The following NTRK2 variants were observed in gnomAD, a reference collection of about 807,000 sequenced individuals.
The protein encoded by NTRK2 is neurotrophic receptor tyrosine kinase 2.
Under a neutral mutation model 94.5 loss-of-function variants are expected in NTRK2, and 13 were observed. The ratio of observed to expected loss-of-function variants is 0.14; its 90% confidence interval spans 0.09 to 0.22. The LOEUF (loss-of-function observed/expected upper bound fraction) is 0.22. Among genes scored for constraint, NTRK2 ranks in the 10% least tolerant of loss-of-function variants. The probability of loss-of-function intolerance (pLI) is 1.00; values close to 1 mark genes in which losing one functional copy is unlikely to be tolerated. For synonymous variants in NTRK2, 372 were observed against 407.4 expected (o/e 0.91, Z 1.05); for missense variants, 639 against 1,071.2 (o/e 0.60, Z 5.63).
chr9:84,924,708 TG>T (rs2077697687), intron 14 of NTRK2, among the ~76,000 whole-genome samples: 1 of 152,218 alleles, frequency 6.6e-6, no homozygotes, highest in African/African-American at 2.4e-5. Flanking sequence ...CTAGAAGTTT[TG>T]GGAATTTAAC....
chr9:84,863,088 G>A (rs1278299346), intron 13 of NTRK2, among the ~76,000 whole-genome samples: 2 of 152,066 alleles, frequency 1.3e-5, no homozygotes, highest in Non-Finnish European at 2.9e-5. Context: ...GGATTAGCAC[G>A]GCCCCAGATG....
At chr9:84,828,952 G>GT (rs573359407) in intron 12 of NTRK2, among the ~76,000 whole-genome samples, 131 of 144,278 alleles carry the variant, frequency 9.1e-4, no homozygotes, top group South Asian at 3.4e-3. Context: ...TGTTTGTTTT[G>GT]TTTTTTTTTT....
intron 12 of NTRK2, among the ~76,000 whole-genome samples, chr9:84,830,865 C>T (rs138081580): frequency 1.5e-3 from 225 of 152,174 alleles, no homozygotes; most frequent in African/African-American, 4.8e-3. Context: ...TTCCTATAAT[C>T]CTGCCACCCA....
At position 84,820,065 on chromosome 9, in the gene NTRK2, G is replaced by T. The variant is rs140666420; in HGVS notation, c.1397-40975G>T. On this transcript the variant is annotated intron_variant, in intron 12 of 18. Coordinates refer to ENST00000277120, the MANE Select transcript of NTRK2 (RefSeq NM_006180.6). ...TTATAGTTGACCCTTTAACAATGTGGGGGTTAAGGGCACCAATCCCCTGCA... is the reference window on the plus strand; with the variant it reads ...TTATAGTTGACCCTTTAACAATGTGTGGGTTAAGGGCACCAATCCCCTGCA... Among the ~76,000 whole-genome samples, 1,300 of 152,128 alleles carry T rather than the reference G, an allele frequency of 8.5e-3. 15 individuals carry two copies. The highest frequency in any genetic ancestry group is 0.03 in the African/African-American group (1,239 of 41,512).
chr9:84,744,181 C>G (rs1286940642), intron 10 of NTRK2, among the ~76,000 whole-genome samples: 1 of 152,082 alleles, frequency 6.6e-6, no homozygotes, highest in East Asian at 1.9e-4. Flanking sequence ...CTAATAAAAA[C>G]TTTGACAACC....
intron 17 of NTRK2, among the ~76,000 whole-genome samples, chr9:84,980,800 C>A (rs972437142): frequency 6.6e-6 from 1 of 152,178 alleles, no homozygotes; most frequent in East Asian, 1.9e-4. Context: ...CAAAATGGAG[C>A]GCGTAAGCTC....
At chr9:84,753,623 A>G (rs150004150) in intron 12 of NTRK2, among the ~76,000 whole-genome samples, 134 of 152,284 alleles carry the variant, frequency 8.8e-4, no homozygotes, top group Non-Finnish European at 1.4e-3. Flanking sequence ...TGGGATCCCC[A>G]TATCTCAACT....
chr9:84,900,742 C>G (rs1202042889), intron 14 of NTRK2, among the ~76,000 whole-genome samples: 1 of 152,198 alleles, frequency 6.6e-6, no homozygotes, highest in East Asian at 1.9e-4. Flanking sequence ...GTGAGCACTT[C>G]TCAGATAACA....
intron 12 of NTRK2, chr9:84,815,731 T>C (rs893144918): frequency 3.0e-6 from 3 of 1,006,408 alleles, no homozygotes; most frequent in Middle Eastern, 4.8e-4. Flanking sequence ...TCTCTGTAGA[T>C]CTTGTGTACT....
chr9:84,695,100 C>T (rs1412486901), intron 2 of NTRK2, among the ~76,000 whole-genome samples: 1 of 149,106 alleles, frequency 6.7e-6, no homozygotes. Context: ...TTCTATCTAT[C>T]TATGTATCTA....
At chr9:84,972,062 A>C (rs966251451) in intron 17 of NTRK2, among the ~76,000 whole-genome samples, 1 of 152,228 alleles carries the variant, frequency 6.6e-6, no homozygotes, top group Non-Finnish European at 1.5e-5. Context: ...TCTAACCGGC[A>C]TGAAAACATT....
chr9:84,728,070 A>G, intron 9 of NTRK2, 111 bp downstream of exon 9: 3 of 968,728 alleles, frequency 3.1e-6, no homozygotes, highest in South Asian at 1.4e-5. Flanking sequence ...TTAAAACTCC[A>G]TTATTTAGTG....
chr9:84,841,058 C>G (rs1056412459), intron 12 of NTRK2, among the ~76,000 whole-genome samples: 1 of 152,152 alleles, frequency 6.6e-6, no homozygotes, highest in Non-Finnish European at 1.5e-5. Context: ...CTTTGAGACC[C>G]TCTCCTCTCC....
chr9:84,781,654 G>T (rs1248697896), intron 12 of NTRK2, among the ~76,000 whole-genome samples: 1 of 152,168 alleles, frequency 6.6e-6, no homozygotes, highest in Non-Finnish European at 1.5e-5. Context: ...TATTTGCACT[G>T]ATTTGGGGGG....
chr9:84,848,620 C>G (rs1447131274), intron 12 of NTRK2, among the ~76,000 whole-genome samples: 1 of 152,124 alleles, frequency 6.6e-6, no homozygotes, highest in Non-Finnish European at 1.5e-5. Context: ...CTTATGAGAT[C>G]CACAAGAAAG....
At chr9:84,793,991 C>T (rs542147785) in intron 12 of NTRK2, among the ~76,000 whole-genome samples, 1 of 152,188 alleles carries the variant, frequency 6.6e-6, no homozygotes, top group Non-Finnish European at 1.5e-5. Context: ...CTGACCTCTT[C>T]TATGCAAAAT....
intron 9 of NTRK2, among the ~76,000 whole-genome samples, chr9:84,730,844 C>G (rs1306879251): frequency 9.8e-6 from 1 of 102,306 alleles, no homozygotes; most frequent in Admixed American, 1.3e-4. Context: ...AAGTTAACAA[C>G]AGCAGGTCAA....
In NTRK2 at chr9:84,678,175, A is replaced by G. The variant is rs72737653; in HGVS notation, c.212+7215A>G. 1.7e-4 allele frequency among the ~76,000 whole-genome samples: 26 copies of G among 152,260 alleles called. 1 individual carries two copies. In the East Asian group the frequency reaches 5.0e-3, roughly 29 times the overall value. ...CTTGAGTTGTAAAATTTTCTGAATA[A>G]TTGAGAATGTGCTTCCCTAAACCAC... is the stretch of plus-strand genomic sequence containing the variant. On this transcript the variant is annotated intron_variant, in intron 2 of 18. Transcript: ENST00000277120.
intron 12 of NTRK2, among the ~76,000 whole-genome samples, chr9:84,804,878 A>G (rs2070925123): frequency 1.3e-5 from 2 of 152,218 alleles, no homozygotes; most frequent in South Asian, 4.1e-4. Context: ...GACACACCCC[A>G]GGAGAACAAT....
Sources: allele counts gnomAD v4.1 joint callset (sites outside exome capture counted in the v4.1 genomes callset), GRCh38; gene constraint gnomAD v4.1.1; transcripts MANE v1.5; gene names NCBI Gene and HGNC (gene_info 2026-07-23, HGNC 2026-07-21).